RRAD: variants seen among roughly 807,000 people sequenced by gnomAD.
The protein encoded by RRAD is RRAD, Ras related glycolysis inhibitor and calcium channel regulator, also known as GTP-binding protein RAD.
Under a neutral mutation model 24.7 loss-of-function variants are expected in RRAD, and 15 were observed. The observed-to-expected ratio is 0.61, with a 90% CI of 0.41 to 0.93. RRAD has a LOEUF of 0.93. RRAD is among the 40% of genes least tolerant of loss of function. The pLI is 0.00. For missense variants in RRAD, 438 were observed against 452.2 expected, an observed-to-expected ratio of 0.97 and a Z score of 0.29; for synonymous variants, 180 against 189.8, an observed-to-expected ratio of 0.95 and a Z score of 0.43.
In RRAD at chr16:66,922,333, C is replaced by A. The variant is rs1363250615; in HGVS notation, c.670G>T (p.Val224Phe). Residue 224 changes from valine (V) to phenylalanine (F), a missense_variant, in exon 5 of 5, where the codon GTC becomes TTC. Physicochemically the swap from Val to Phe is conservative, Grantham distance 50. Coordinates refer to ENST00000299759, the MANE Select transcript of RRAD (RefSeq NM_004165.3). ...GTCTCAATGAACTTGCAGTCAAAGA[C>A]CACCGCGCAGGCCCGGCCCTCTGTG... is the stretch of plus-strand genomic sequence containing the variant. ...SVDEGRACAV[V>F]FDCKFIETSA... The A allele has an allele frequency of 1.9e-6, 3 of 1,599,226 alleles. No individual in the cohort carries two copies. The highest frequency in any genetic ancestry group is 2.6e-6 in the Non-Finnish European group (3 of 1,170,834).
At chr16:66,922,453 T>A (rs113509435) in intron 4 of RRAD, 100 bp from the exon 5 acceptor site, 150 of 1,262,552 alleles carry the variant, frequency 1.2e-4, no homozygotes, top group Non-Finnish European at 1.5e-4. Context: ...ACTCGAGAAT[T>A]TGCAAGGTCC....
In RRAD at chr16:66,922,583, T is replaced by C. The variant is rs568175275; in HGVS notation, c.650-230A>G. ...CAAAACAGTGGCCCTCAAAAGGAGA[T>C]CCATTTATTGAAATAATTTGAAGCC... is the stretch of plus-strand genomic sequence containing the variant. On this transcript the variant is annotated intron_variant, in intron 4 of 4. Coordinates refer to ENST00000299759, the MANE Select transcript of RRAD (RefSeq NM_004165.3). 1.2e-4 allele frequency among the ~76,000 whole-genome samples: 18 copies of C among 152,192 alleles called. 1 individual carries two copies. The highest frequency in any genetic ancestry group is 2.2e-4 in the Non-Finnish European group (15 of 68,034).
In RRAD at chr16:66,925,183, G is replaced by A; in HGVS notation, c.-4C>T. ...TGCCGCCGCCGTTCAGGGTCATCGC[G>A]TCCGGGACCGTCTAGGGGATCAGGA... On this transcript the variant is annotated 5_prime_UTR_variant, in exon 2 of 5. The change creates a new upstream start codon in the 5' untranslated region. Transcript: ENST00000299759. The surrounding 1 kb of genome is among the most constrained non-coding windows in gnomAD (Gnocchi z 5.2). 1.6e-6 allele frequency: 2 copies of A among 1,246,280 alleles called. No individual in the cohort carries two copies. The highest frequency in any genetic ancestry group is 3.9e-5 in the South Asian group (1 of 25,802). The allele number at this position is 1,246,280 out of a possible 1,614,324, so 77.2% of individuals were successfully genotyped here.
rs1413996531 is a variant in RRAD, at chr16:66,923,924, G to A, written c.371-5C>T. On this transcript the variant is annotated splice_region_variant and splice_polypyrimidine_tract_variant and intron_variant, in intron 2 of 4. Transcript: ENST00000299759. This position sits in a 1 kb window ranked among gnomAD's most constrained non-coding sequence, Gnocchi z 4.9. ...TGGAGCGATCATAGGTGTGCCCTAG[G>A]CAGAAGGCCAGTAGACAGGTTACCA... is the stretch of plus-strand genomic sequence containing the variant. The A allele has an allele frequency of 3.1e-6, 5 of 1,613,438 alleles. No individual in the cohort carries two copies. The highest frequency in any genetic ancestry group is 1.3e-5 in the African/African-American group (1 of 74,888).
rs996351707 is a variant in RRAD, at chr16:66,922,491, C to A, written c.650-138G>T. On this transcript the variant is annotated intron_variant, in intron 4 of 4. Transcript: ENST00000299759. ...CCCGAAAACACAGAGACCCCAGCTC[C>A]TGTACTGAGGGTACTGGGCACTGCT... The A allele has an allele frequency of 1.9e-5, 16 of 856,780 alleles. No homozygotes were observed. The African/African-American group carries it at 2.5e-4, about 14-fold the overall frequency. 53.1% of individuals were successfully genotyped at this position (856,780 alleles called of 1,614,324 possible). A position where few individuals can be genotyped will look rare whatever the true frequency, so the allele number is the denominator to read the frequency against.
In RRAD at chr16:66,924,734, C is replaced by A. The variant is rs917406135; in HGVS notation, c.370+76G>T. On this transcript the variant is annotated intron_variant, in intron 2 of 4. Transcript: ENST00000299759. This position sits in a 1 kb window ranked among gnomAD's most constrained non-coding sequence, Gnocchi z 4.2. ...AACAACTATAATTCCACGGTATTTG[C>A]GGCTTTGAGTACCGGTCTCAGCCCC... 3.5e-6 allele frequency: 4 copies of A among 1,145,428 alleles called. No homozygotes were observed. The East Asian group carries it at 8.6e-5, about 25-fold the overall frequency. The allele number at this position is 1,145,428 out of a possible 1,614,324, so 71.0% of individuals were successfully genotyped here.
Position 66,925,249 on chromosome 16 carries a change from G to C in RRAD, c.-15-55C>G. The C allele has an allele frequency of 8.3e-7, 1 of 1,199,188 alleles. No individual in the cohort carries two copies. Among genetic ancestry groups the C allele is most frequent in the Non-Finnish European group, 1.0e-6 (1 of 964,788 alleles). 74.3% of individuals were successfully genotyped at this position (1,199,188 alleles called of 1,614,324 possible). ...TAAGCCGCGAGGGAGGCGGGACCCG[G>C]GGCGCACCTGCCCAACCCGGAGTCA... On this transcript the variant is annotated intron_variant, in intron 1 of 4. Transcript: ENST00000299759. This position sits in a 1 kb window ranked among gnomAD's most constrained non-coding sequence, Gnocchi z 5.2.
rs111919092 is a variant in RRAD at position 66,924,699 on chromosome 16, T to TAATAATAAGAAC, written c.370+110_370+111insGTTCTTATTATT. 1 of 659,190 alleles carries TAATAATAAGAAC rather than the reference T, an allele frequency of 1.5e-6. No individual in the cohort carries two copies. 40.8% of individuals were successfully genotyped at this position (659,190 alleles called of 1,614,324 possible). ...AATAAAATAATAATAATAATAATAA[T>TAATAATAAGAAC]AACAACAACAACAACTATAATTCCA... On this transcript the variant is annotated intron_variant, in intron 2 of 4. Coordinates refer to ENST00000299759, the MANE Select transcript of RRAD (RefSeq NM_004165.3). This position sits in a 1 kb window ranked among gnomAD's most constrained non-coding sequence, Gnocchi z 4.2.
At position 66,923,165 on chromosome 16, in the gene RRAD, T is replaced by A. The variant is rs1363313433; in HGVS notation, c.649+351A>T. Among the ~76,000 whole-genome samples the A allele has an allele frequency of 2.6e-5, 4 of 152,068 alleles. No homozygotes were observed. The highest frequency in any genetic ancestry group is 9.7e-5 in the African/African-American group (4 of 41,412). The stretch of plus-strand genomic sequence containing the variant: ...GGGTCTTCCCCAGGGCCAAGTCTAC[T>A]CTAAGAATGGCCCAGACCTAGCACA... On this transcript the variant is annotated intron_variant, in intron 4 of 4. Coordinates refer to ENST00000299759, the MANE Select transcript of RRAD (RefSeq NM_004165.3). This position sits in a 1 kb window ranked among gnomAD's most constrained non-coding sequence, Gnocchi z 4.9.
In RRAD at chr16:66,923,797, C is replaced by T. The variant is rs1337138326; in HGVS notation, c.444+49G>A. On this transcript the variant is annotated intron_variant, in intron 3 of 4. Coordinates refer to ENST00000299759, the MANE Select transcript of RRAD (RefSeq NM_004165.3). This position sits in a 1 kb window ranked among gnomAD's most constrained non-coding sequence, Gnocchi z 4.9. ...GAGCCTGGCACTCCCAGACCTCTAA[C>T]CCAACTCACTCCTCCCTCCCCTGCC... The T allele has an allele frequency of 1.2e-6, 2 of 1,610,108 alleles. No homozygotes were observed.
rs111379042 is a variant in RRAD, at chr16:66,925,408, C to A, written c.-16+1G>T. ...CGACCCCGCTCCGCCAGGACACTCA[C>A]CCACTCGCACACAGACACGCTCAGG... On this transcript the variant is annotated splice_donor_variant, in intron 1 of 4. Transcript: ENST00000299759. LOFTEE classifies it low-confidence loss of function (5UTR_SPLICE). This position sits in a 1 kb window ranked among gnomAD's most constrained non-coding sequence, Gnocchi z 5.2. The A allele has an allele frequency of 5.7e-6, 2 of 351,760 alleles. No homozygotes were observed. The highest frequency in any genetic ancestry group is 1.0e-5 in the Non-Finnish European group (2 of 197,424). The allele number at this position is 351,760 out of a possible 1,614,324, so 21.8% of individuals were successfully genotyped here.
rs2145483528 is a variant in RRAD, at chr16:66,921,970, C to T, written c.*106G>A. Reference sequence around the variant, plus strand: ...GTTGGGGGTGCCCGGCTGGCAGCTCCGAGGGACCCAGAGTCTGAGCCTGCT... The same window carrying T: ...GTTGGGGGTGCCCGGCTGGCAGCTCTGAGGGACCCAGAGTCTGAGCCTGCT... On this transcript the variant is annotated 3_prime_UTR_variant, in exon 5 of 5. Transcript: ENST00000299759. The T allele has an allele frequency of 9.7e-7, 1 of 1,030,016 alleles. No homozygotes were observed. The highest frequency in any genetic ancestry group is 1.4e-6 in the Non-Finnish European group (1 of 709,656). 63.8% of individuals were successfully genotyped at this position (1,030,016 alleles called of 1,614,324 possible).
Position 66,923,371 on chromosome 16 carries a change from G to C in RRAD, c.649+145C>G. The C allele has an allele frequency of 2.8e-6, 2 of 704,234 alleles. No homozygotes were observed. The highest frequency in any genetic ancestry group is 4.7e-6 in the Non-Finnish European group (2 of 424,340). The allele number at this position is 704,234 out of a possible 1,614,324, so 43.6% of individuals were successfully genotyped here. ...TCCGGAGCCCTGTGAGCAGGCACCA[G>C]CTCTCTCCCATTTCCCTCCCCGCCA... is the stretch of plus-strand genomic sequence containing the variant. On this transcript the variant is annotated intron_variant, in intron 4 of 4. Transcript: ENST00000299759. The surrounding 1 kb of genome is among the most constrained non-coding windows in gnomAD (Gnocchi z 4.9).
At position 66,924,844 on chromosome 16, in the gene RRAD, G is replaced by A. The variant is rs765709495; in HGVS notation, c.336C>T (p.Gly112=). Residue 112 remains glycine, a synonymous_variant, in exon 2 of 5, where the codon GGC becomes GGT. Coordinates refer to ENST00000299759, the MANE Select transcript of RRAD (RefSeq NM_004165.3). The surrounding 1 kb of genome is among the most constrained non-coding windows in gnomAD (Gnocchi z 4.2). ...CTGCTTCAGGCCCGTCCTCCACACC[G>A]CCGAAGATGCGCGCCAGGGCGCTCT... ...VGKSALARIF[G]GVEDGPEAEA... is the part of the protein sequence containing the mutation. The A allele has an allele frequency of 3.1e-6, 5 of 1,587,376 alleles. No individual in the cohort carries two copies. Among genetic ancestry groups the A allele is most frequent in the Middle Eastern group, 1.7e-4 (1 of 6,010 alleles).
In RRAD at chr16:66,923,887, C is replaced by G. The variant is rs779920400; in HGVS notation, c.403G>C (p.Gly135Arg). 3 of 1,613,998 alleles carry G rather than the reference C, an allele frequency of 1.9e-6. No homozygotes were observed. Among genetic ancestry groups the G allele is most frequent in the Admixed American group, 1.7e-5 (1 of 60,000 alleles). ...HTYDRSIVVD[G>R]EEASLMVYDI... is the part of the protein sequence containing the mutation. The stretch of plus-strand genomic sequence containing the variant: ...TAGACCATGAGTGATGCCTCTTCTC[C>G]GTCCACTACAATGGAGCGATCATAG... The change falls in exon 3 of 5, where the codon GGA (glycine) becomes CGA (arginine). Residue 135 changes from glycine (G) to arginine (R), a missense_variant. Coordinates refer to ENST00000299759, the MANE Select transcript of RRAD (RefSeq NM_004165.3). The surrounding 1 kb of genome is among the most constrained non-coding windows in gnomAD (Gnocchi z 4.9).
rs1298139500 is a variant in RRAD at position 66,924,822 on chromosome 16, C to T, written c.358G>A (p.Ala120Thr). ...IFGGVEDGPE[A>T]EAAGHTYDRS... ...TGGGTCCCCTCACCTGCTGCCTCTG[C>T]TTCAGGCCCGTCCTCCACACCGCCG... The change falls in exon 2 of 5, where the codon GCA becomes ACA. Residue 120 changes from alanine to threonine, a missense_variant. Transcript: ENST00000299759. This position sits in a 1 kb window ranked among gnomAD's most constrained non-coding sequence, Gnocchi z 4.2. 1.3e-6 allele frequency: 2 copies of T among 1,576,586 alleles called. No individual in the cohort carries two copies. The highest frequency in any genetic ancestry group is 1.7e-6 in the Non-Finnish European group (2 of 1,164,434).
chr16:66,925,093 C>A lies in RRAD; in HGVS notation c.87G>T (p.Trp29Cys), dbSNP rs1962978106. Residue 29 changes from tryptophan to cysteine, a missense_variant, in exon 2 of 5, where the codon TGG (tryptophan) becomes TGT (cysteine). Trp to Cys is a radical substitution (Grantham distance 215, BLOSUM62 -2). Transcript: ENST00000299759. This position sits in a 1 kb window ranked among gnomAD's most constrained non-coding sequence, Gnocchi z 5.2. The part of the protein sequence containing the change: ...ERERRRGSTP[W>C]GPAPPLHRRS... ...GGCGGTGCAGCGGCGGGGCGGGGCC[C>A]CAGGGTGTGCTGCCCCGACGGCGCT... is the stretch of plus-strand genomic sequence containing the variant. 8.1e-7 allele frequency: 1 copy of A among 1,241,068 alleles called. No homozygotes were observed. The highest frequency in any genetic ancestry group is 3.6e-5 in the South Asian group (1 of 27,660). 76.9% of individuals were successfully genotyped at this position (1,241,068 alleles called of 1,614,324 possible).
Position 66,922,331 on chromosome 16 carries a change from G to C in RRAD, c.672C>G (p.Val224=), listed in dbSNP as rs376772920. The change falls in exon 5 of 5, where the codon GTC becomes GTG. Residue 224 remains valine, a synonymous_variant. Transcript: ENST00000299759. ...SVDEGRACAV[V]FDCKFIETSA... is the part of the protein sequence containing the mutation. ...ATGTCTCAATGAACTTGCAGTCAAA[G>C]ACCACCGCGCAGGCCCGGCCCTCTG... 1.9e-6 allele frequency: 3 copies of C among 1,600,950 alleles called. No individual in the cohort carries two copies. The highest frequency in any genetic ancestry group is 1.1e-5 in the South Asian group (1 of 90,904).
chr16:66,923,652 C>T lies in RRAD; in HGVS notation c.513G>A (p.Val171=). The T allele has an allele frequency of 8.1e-6, 13 of 1,614,170 alleles. No homozygotes were observed. The highest frequency in any genetic ancestry group is 2.2e-5 in the East Asian group (1 of 44,876). ...CCTTCTCGAAGCTGCCCTTGTCCGTCACTGAGTACACAATGACATAGGCAT... is the reference window on the plus strand; with the variant it reads ...CCTTCTCGAAGCTGCCCTTGTCCGTTACTGAGTACACAATGACATAGGCAT... ...MGDAYVIVYS[V]TDKGSFEKAS... is the part of the protein sequence containing the mutation. The change falls in exon 4 of 5, where the codon GTG becomes GTA. Residue 171 remains valine (V), a synonymous_variant. Coordinates refer to ENST00000299759, the MANE Select transcript of RRAD (RefSeq NM_004165.3). The surrounding 1 kb of genome is among the most constrained non-coding windows in gnomAD (Gnocchi z 4.9).
Sources: gnomAD v4.1 joint callset for allele counts (sites outside exome capture counted in the v4.1 genomes callset) on GRCh38, gnomAD v4.1.1 for gene constraint, Gnocchi (gnomAD v3.1) non-coding constraint, MANE v1.5 for transcripts, NCBI Gene and HGNC (gene_info 2026-07-23, HGNC 2026-07-21) for gene names.